EMP2: variants seen among roughly 807,000 people sequenced by gnomAD.
The protein encoded by EMP2 is epithelial membrane protein 2.
In EMP2, 19 loss-of-function variants were observed where a neutral mutation model predicts 13.7. The ratio of observed to expected loss-of-function variants is 1.38; its 90% CI spans 0.97 to 2.03. The LOEUF (loss-of-function observed/expected upper bound fraction) is 2.03. Ranked by LOEUF, EMP2 falls within the 30% of genes most tolerant of loss-of-function variation. The probability of loss-of-function intolerance (pLI) is 0.00; values close to 1 mark genes in which losing one functional copy is unlikely to be tolerated. For synonymous variants in EMP2, 97 were observed against 84.7 expected (o/e 1.15, Z -0.80); for missense variants, 253 against 220.7 (o/e 1.15, Z -0.93).
At chr16:10,567,617 T>C (rs2050916254) in intron 1 of EMP2, among the ~76,000 whole-genome samples, 1 of 151,932 alleles carries the variant, frequency 6.6e-6, no homozygotes, top group South Asian at 2.1e-4. Context: ...AAGTCCAAGG[T>C]GGGGCTTTAG....
At chr16:10,573,930 C>CTTTTTTTTTTTTTT (rs371646297) in intron 1 of EMP2, among the ~76,000 whole-genome samples, 1 of 83,172 alleles carries the variant, frequency 1.2e-5, no homozygotes, top group Non-Finnish European at 2.2e-5. Flanking sequence ...ATGGATAAAC[C>CTTTTTTTTTTTTTT]TTTTTTTTTT....
Position 10,564,095 on chromosome 16 carries a change from G to A in EMP2, c.-60-16418C>T, listed in dbSNP as rs543977043. Among the ~76,000 whole-genome samples the A allele has an allele frequency of 5.3e-5, 8 of 152,364 alleles. No individual in the cohort carries two copies. In the South Asian group the frequency reaches 1.7e-3, roughly 32 times the overall value. On this transcript the variant is annotated intron_variant, in intron 1 of 4. Coordinates refer to ENST00000359543, the MANE Select transcript of EMP2 (RefSeq NM_001424.6). ...GGTAGTTCACCACTTTTAAGTATAT[G>A]CAAATTAGGGAGTGGGTTATGCATA...
chr16:10,578,637 C>G (rs1438511009), intron 1 of EMP2, among the ~76,000 whole-genome samples: 1 of 152,232 alleles, frequency 6.6e-6, no homozygotes, highest in African/African-American at 2.4e-5. Context: ...ACCCACTCAG[C>G]TGGTCGACTC....
intron 1 of EMP2, among the ~76,000 whole-genome samples, chr16:10,569,325 T>C (rs2050931107): frequency 6.6e-6 from 1 of 152,182 alleles, no homozygotes; most frequent in Admixed American, 6.5e-5. Flanking sequence ...TTTTAAAATA[T>C]TTATTCTGTT....
Position 10,556,109 on chromosome 16 carries a change from A to G in EMP2, c.-60-8432T>C, listed in dbSNP as rs763055339. 2.6e-5 allele frequency among the ~76,000 whole-genome samples: 4 copies of G among 152,308 alleles called. No individual in the cohort carries two copies. In the South Asian group the frequency reaches 6.2e-4, roughly 24 times the overall value. The stretch of plus-strand genomic sequence containing the variant: ...AATAATTGTCATTTACATGATTGCT[A>G]TATAAATATTGTACTCTACAGAGCC... On this transcript the variant is annotated intron_variant, in intron 1 of 4. Transcript: ENST00000359543.
chr16:10,544,180 C>G (rs1259729150), intron 2 of EMP2: 1 of 151,180 alleles, frequency 6.6e-6, no homozygotes, highest in Non-Finnish European at 1.5e-5. Flanking sequence ...TTTTTTTTTT[C>G]CTTTTTTTGT....
intron 1 of EMP2, among the ~76,000 whole-genome samples, chr16:10,560,680 T>C (rs938254338): frequency 6.6e-6 from 1 of 152,162 alleles, no homozygotes; most frequent in South Asian, 2.1e-4. Context: ...TGTGGTGTGA[T>C]TGGCCCTGTG....
intron 4 of EMP2, among the ~76,000 whole-genome samples, chr16:10,536,978 A>G (rs6498069): frequency 0.8 from 121,418 of 152,046 alleles, 48,882 homozygotes; most frequent in African/African-American, 0.89. Context: ...CTGATGACAC[A>G]TCTCAGGGTC....
intron 1 of EMP2, among the ~76,000 whole-genome samples, chr16:10,578,523 T>A (rs966862034): frequency 6.6e-6 from 1 of 152,130 alleles, no homozygotes; most frequent in Non-Finnish European, 1.5e-5. Context: ...TCTGGGGTGG[T>A]GCCAGCCAGA....
chr16:10,543,813 C>T (rs2050719548), intron 2 of EMP2, among the ~76,000 whole-genome samples, 153 bp from the exon 3 acceptor site: 1 of 152,182 alleles, frequency 6.6e-6, no homozygotes, highest in Admixed American at 6.5e-5. Context: ...TGCAGACTGA[C>T]TCAGGAGGTC....
chr16:10,535,043 A>T (rs187711642), intron 4 of EMP2, among the ~76,000 whole-genome samples: 1 of 152,166 alleles, frequency 6.6e-6, no homozygotes, highest in Non-Finnish European at 1.5e-5. Context: ...GCCGCTGCCT[A>T]TCAGTTGCTG....
Position 10,547,528 on chromosome 16 carries a change from A to C in EMP2, c.78+12T>G. The C allele has an allele frequency of 6.2e-7, 1 of 1,613,864 alleles. No homozygotes were observed. The highest frequency in any genetic ancestry group is 8.5e-7 in the Non-Finnish European group (1 of 1,179,964). On this transcript the variant is annotated intron_variant, in intron 2 of 4. Transcript: ENST00000359543. ...CCAGGTTTCTGCGTGAGTGGCAGGA[A>C]AGGAAACTTACATTGTCGACGGTGG...
At chr16:10,562,276 G>A (rs1175139162) in intron 1 of EMP2, among the ~76,000 whole-genome samples, 2 of 151,568 alleles carry the variant, frequency 1.3e-5, no homozygotes, top group African/African-American at 2.4e-5. Flanking sequence ...TCAATAAAAG[G>A]TGGCAGAAGT....
chr16:10,553,520 G>A (rs896651145), intron 1 of EMP2, among the ~76,000 whole-genome samples: 1 of 152,154 alleles, frequency 6.6e-6, no homozygotes, highest in South Asian at 2.1e-4. Context: ...TGCTCCCACC[G>A]AGCCCCAGTC....
At chr16:10,561,370 G>A (rs1273700527) in intron 1 of EMP2, among the ~76,000 whole-genome samples, 1 of 152,200 alleles carries the variant, frequency 6.6e-6, no homozygotes, top group South Asian at 2.1e-4. Context: ...CTGGTGTCAT[G>A]GGTACACAGG....
chr16:10,538,219 C>G, intron 3 of EMP2, 145 bp from the exon 4 acceptor site: 1 of 910,890 alleles, frequency 1.1e-6, no homozygotes. Flanking sequence ...GGTCTGAGCA[C>G]AAGGGCAGCC....
At chr16:10,563,012 G>A (rs1228067458) in intron 1 of EMP2, among the ~76,000 whole-genome samples, 2 of 152,150 alleles carry the variant, frequency 1.3e-5, no homozygotes, top group Non-Finnish European at 2.9e-5. Context: ...ATGAGAGTGA[G>A]GTTGATGTGG....
At chr16:10,542,441 T>C (rs1362676857) in intron 3 of EMP2, among the ~76,000 whole-genome samples, 17 of 111,592 alleles carry the variant, frequency 1.5e-4, no homozygotes, top group African/African-American at 4.3e-4. Context: ...AACTAAACCC[T>C]CCCCCCCCAC....
chr16:10,563,118 T>C (rs1567208670), intron 1 of EMP2, among the ~76,000 whole-genome samples: 2 of 152,206 alleles, frequency 1.3e-5, no homozygotes, highest in African/African-American at 2.4e-5. Flanking sequence ...ACAGAGCACC[T>C]TGTCTTGGTG....
Sources: allele counts gnomAD v4.1 joint callset (sites outside exome capture counted in the v4.1 genomes callset), GRCh38; gene constraint gnomAD v4.1.1; transcripts MANE v1.5; gene names NCBI Gene and HGNC (gene_info 2026-07-23, HGNC 2026-07-21).